CEP85L: variants seen among roughly 807,000 people sequenced by gnomAD.
CEP85L encodes centrosomal protein 85L.
Under a neutral mutation model 100.3 loss-of-function variants are expected in CEP85L, and 60 were observed. The ratio of observed to expected loss-of-function variants is 0.60; its 90% CI spans 0.49 to 0.74. The LOEUF is 0.74. CEP85L is among the 30% of genes least tolerant of loss of function. The pLI, the probability that CEP85L is intolerant of heterozygous loss-of-function variation, is 0.00. For synonymous variants in CEP85L, 319 were observed against 322.7 expected, an observed-to-expected ratio of 0.99 and a Z score of 0.12; for missense variants, 973 against 936.2, an observed-to-expected ratio of 1.04 and a Z score of -0.51.
intron 3 of CEP85L, among the ~76,000 whole-genome samples, chr6:118,552,638 C>A (rs540033853): frequency 2.0e-5 from 3 of 151,606 alleles, no homozygotes; most frequent in Admixed American, 6.6e-5. Context: ...AAAAAAAAAA[C>A]CAGAATACCA....
At chr6:118,705,855 C>A (rs989094169) in intron 1 of CEP85L, among the ~76,000 whole-genome samples, 11 of 152,208 alleles carry the variant, frequency 7.2e-5, no homozygotes, top group Admixed American at 5.2e-4. Context: ...GAAAAAAAAT[C>A]TTTTCACCCT....
Position 118,477,515 on chromosome 6 carries a change from C to T in CEP85L, c.1914+2356G>A, listed in dbSNP as rs186802138. ...TGAAACAATGCCCTATTTTTTATCTCCTATAAATTGGACATAAAATGTACA... is the reference window on the plus strand; with the variant it reads ...TGAAACAATGCCCTATTTTTTATCTTCTATAAATTGGACATAAAATGTACA... On this transcript the variant is annotated intron_variant, in intron 10 of 12. Coordinates refer to ENST00000368491, the MANE Select transcript of CEP85L (RefSeq NM_001042475.3). Among the ~76,000 whole-genome samples, 801 of 152,180 alleles carry T rather than the reference C, an allele frequency of 5.3e-3. 4 individuals are homozygous for T. Among genetic ancestry groups the T allele is most frequent in the Admixed American group, 7.9e-3 (121 of 15,278 alleles).
At chr6:118,587,679 C>T (rs996252046) in intron 2 of CEP85L, among the ~76,000 whole-genome samples, 11 of 152,216 alleles carry the variant, frequency 7.2e-5, no homozygotes, top group South Asian at 4.1e-4. Flanking sequence ...GATCTGAGGG[C>T]GAACTGAAGA....
rs1781677409 is a variant in CEP85L at position 118,600,299 on chromosome 6, GGGTGTGTGTGTGT to G, written c.232+32141_232+32153del. ...ACTGCCTGTCCCTGAGCCTTCCTGG[GGGTGTGTGTGTGT>G]GTGTGTGTGTGTGTGTGTGTGTGTG... On this transcript the variant is annotated intron_variant, in intron 2 of 12. Transcript: ENST00000368491. 3.8e-4 allele frequency among the ~76,000 whole-genome samples: 34 copies of G among 89,002 alleles called. 3 individuals carry two copies. The highest frequency in any genetic ancestry group is 1.1e-3 in the African/African-American group (25 of 23,202). 58.4% of individuals were successfully genotyped at this position (89,002 alleles called of 152,430 possible).
At chr6:118,539,408 C>T (rs1397951906) in intron 3 of CEP85L, among the ~76,000 whole-genome samples, 1 of 152,068 alleles carries the variant, frequency 6.6e-6, no homozygotes, top group African/African-American at 2.4e-5. Context: ...TCGGCTATAC[C>T]ATCTAGGTTT....
intron 5 of CEP85L, among the ~76,000 whole-genome samples, chr6:118,508,846 T>TAA (rs1205947518): frequency 1.3e-5 from 2 of 152,042 alleles, no homozygotes; most frequent in Non-Finnish European, 2.9e-5. Context: ...ATGCTATGCA[T>TAA]AAAAAATTAC....
At chr6:118,662,062 T>C (rs940581911) in intron 1 of CEP85L, among the ~76,000 whole-genome samples, 1 of 152,280 alleles carries the variant, frequency 6.6e-6, no homozygotes, top group South Asian at 2.1e-4. Flanking sequence ...TAGGATCATG[T>C]TGGAAAAGTG....
Position 118,586,551 on chromosome 6 carries a change from G to C in CEP85L, c.233-20235C>G, listed in dbSNP as rs1440314901. 2.6e-5 allele frequency among the ~76,000 whole-genome samples: 4 copies of C among 152,040 alleles called. No individual in the cohort carries two copies. In the East Asian group the frequency reaches 7.7e-4, roughly 29 times the overall value. On this transcript the variant is annotated intron_variant, in intron 2 of 12. Coordinates refer to ENST00000368491, the MANE Select transcript of CEP85L (RefSeq NM_001042475.3). The stretch of plus-strand genomic sequence containing the variant: ...ACTCCCCCAACAATAAAAGGTACAG[G>C]AATCGACCGACTCCTGGAAACATCA...
At position 118,465,546 on chromosome 6, in the gene CEP85L, C is replaced by T. The variant is rs1772449559; in HGVS notation, c.2277G>A (p.Glu759=). ...GIRSMNCSAE[E]TENDHSTETL... ...TTTCTGTGCTGTGGTCATTCTCAGTCTCTTCAGCTGAACAGTTCATTGCTG... is the reference window on the plus strand; with the variant it reads ...TTTCTGTGCTGTGGTCATTCTCAGTTTCTTCAGCTGAACAGTTCATTGCTG... Residue 759 remains glutamate (E), a synonymous_variant, in exon 13 of 13, where the codon GAG becomes GAA. Transcript: ENST00000368491. The T allele has an allele frequency of 6.2e-7, 1 of 1,613,332 alleles. No homozygotes were observed. The highest frequency in any genetic ancestry group is 8.5e-7 in the Non-Finnish European group (1 of 1,179,538).
intron 1 of CEP85L, among the ~76,000 whole-genome samples, chr6:118,691,800 G>A (rs182563845): frequency 2.6e-5 from 4 of 151,196 alleles, no homozygotes; most frequent in African/African-American, 9.7e-5. Flanking sequence ...AGCCACACCT[G>A]AAGCAAACAA....
chr6:118,680,526 A>G (rs1442439718), intron 1 of CEP85L, among the ~76,000 whole-genome samples: 1 of 152,084 alleles, frequency 6.6e-6, no homozygotes, highest in African/African-American at 2.4e-5. Flanking sequence ...GTAAGCAGGA[A>G]AGCAATTTAT....
intron 3 of CEP85L, among the ~76,000 whole-genome samples, chr6:118,556,068 C>T (rs1052792020): frequency 6.6e-5 from 10 of 152,062 alleles, no homozygotes; most frequent in Admixed American, 6.5e-5. Context: ...GCACTTAGGC[C>T]GGTTCATGTC....
intron 1 of CEP85L, among the ~76,000 whole-genome samples, chr6:118,634,526 G>T (rs1774368193): frequency 6.6e-6 from 1 of 152,118 alleles, no homozygotes; most frequent in South Asian, 2.1e-4. Flanking sequence ...AATCAAATTT[G>T]AAAAACAGTG....
chr6:118,482,465 GTGACTAGCTTA>G (rs1446637482), intron 7 of CEP85L, among the ~76,000 whole-genome samples: 2 of 152,044 alleles, frequency 1.3e-5, no homozygotes, highest in African/African-American at 4.8e-5. Context: ...TTGCCTTTTT[GTGACTAGCTTA>G]TTTCACTTCA....
chr6:118,477,268 CACTCA>C (rs1301584388), intron 10 of CEP85L, among the ~76,000 whole-genome samples: 2 of 152,116 alleles, frequency 1.3e-5, no homozygotes, highest in African/African-American at 4.8e-5. Flanking sequence ...ATTTTTACAG[CACTCA>C]ACTCAATTTC....
chr6:118,680,822 G>A (rs1776634442), intron 1 of CEP85L, among the ~76,000 whole-genome samples: 1 of 152,056 alleles, frequency 6.6e-6, no homozygotes, highest in African/African-American at 2.4e-5. Flanking sequence ...GCTGCAGTGA[G>A]CCAAGATCAT....
intron 2 of CEP85L, among the ~76,000 whole-genome samples, chr6:118,620,233 G>GA (rs1773349841): frequency 6.6e-6 from 1 of 152,124 alleles, no homozygotes; most frequent in South Asian, 2.1e-4. Flanking sequence ...AATATTAGGA[G>GA]AAAACTCCAA....
At chr6:118,469,760 C>G (rs888200293) in intron 11 of CEP85L, among the ~76,000 whole-genome samples, 1 of 152,072 alleles carries the variant, frequency 6.6e-6, no homozygotes, top group African/African-American at 2.4e-5. Context: ...CACCATGATG[C>G]CTGGCTAATT....
At chr6:118,673,601 T>G (rs1210158433) in intron 1 of CEP85L, among the ~76,000 whole-genome samples, 1 of 152,234 alleles carries the variant, frequency 6.6e-6, no homozygotes, top group Non-Finnish European at 1.5e-5. Context: ...CTACCACCTC[T>G]GCCCTACTCC....
Sources: allele counts gnomAD v4.1 joint callset (sites outside exome capture counted in the v4.1 genomes callset), GRCh38; gene constraint gnomAD v4.1.1; transcripts MANE v1.5; gene names NCBI Gene and HGNC (gene_info 2026-07-23, HGNC 2026-07-21).